Variants in FGGY observed in about 807,000 individuals in gnomAD.
The protein encoded by FGGY is FGGY carbohydrate kinase domain containing.
A neutral mutation model predicts 71.3 loss-of-function variants in FGGY; 72 were observed. That is an observed-to-expected ratio of 1.01 (90% CI 0.84 to 1.23). The LOEUF (loss-of-function observed/expected upper bound fraction) is 1.23, where lower values mean the gene tolerates loss of function less well. Among genes scored for constraint, FGGY ranks in the 50% most tolerant of loss-of-function variants. The pLI, the probability that FGGY is intolerant of heterozygous loss-of-function variation, is 0.00. For synonymous variants in FGGY, 251 were observed against 250.3 expected, an observed-to-expected ratio of 1.00 and a Z score of -0.02; for missense variants, 668 against 682.3, an observed-to-expected ratio of 0.98 and a Z score of 0.23.
At chr1:59,426,046 T>A (rs1374353389) in intron 5 of FGGY, among the ~76,000 whole-genome samples, 1 of 152,172 alleles carries the variant, frequency 6.6e-6, no homozygotes, top group African/African-American at 2.4e-5. Context: ...GAGTACTGCT[T>A]TTGAAATCAA....
At chr1:59,566,581 C>T (rs916483210) in intron 8 of FGGY, among the ~76,000 whole-genome samples, 1 of 151,816 alleles carries the variant, frequency 6.6e-6, no homozygotes, top group Non-Finnish European at 1.5e-5. Context: ...ATTGAAAGTC[C>T]CTACGTAATT....
At chr1:59,323,620 G>A (rs144119837) in intron 2 of FGGY, among the ~76,000 whole-genome samples, 1 of 152,350 alleles carries the variant, frequency 6.6e-6, no homozygotes, top group East Asian at 1.9e-4. Flanking sequence ...TCTGCAGCCA[G>A]ACTGCCTAGA....
chr1:59,302,532 A>G (rs1254422654), intron 1 of FGGY, among the ~76,000 whole-genome samples: 1 of 152,178 alleles, frequency 6.6e-6, no homozygotes, highest in Non-Finnish European at 1.5e-5. Flanking sequence ...AGCAAGCTGG[A>G]GAACATTATC....
chr1:59,681,223 T>G (rs1434840319), intron 14 of FGGY, among the ~76,000 whole-genome samples: 1 of 152,186 alleles, frequency 6.6e-6, no homozygotes, highest in Admixed American at 6.5e-5. Flanking sequence ...GTACAATAGA[T>G]TAAGGAATAC....
chr1:59,550,499 G>A (rs1314829474), intron 7 of FGGY, among the ~76,000 whole-genome samples: 1 of 152,042 alleles, frequency 6.6e-6, no homozygotes, highest in Non-Finnish European at 1.5e-5. Flanking sequence ...CCTCTTGAGG[G>A]GAAATGAGGC....
chr1:59,296,796 A>G (rs835367), upstream of FGGY: 63,422 of 150,220 alleles, frequency 0.42, 14,526 homozygotes, highest in African/African-American at 0.57. Flanking sequence ...GATCGCGCGC[A>G]AGGCGGGGCT....
At chr1:59,394,509 C>G (rs563660484) in intron 5 of FGGY, among the ~76,000 whole-genome samples, 4 of 152,204 alleles carry the variant, frequency 2.6e-5, no homozygotes, top group Non-Finnish European at 5.9e-5. Context: ...ATTTATATTT[C>G]ATGGGCTTGT....
intron 6 of FGGY, among the ~76,000 whole-genome samples, chr1:59,471,647 C>G (rs2092945903): frequency 6.6e-6 from 1 of 152,194 alleles, no homozygotes; most frequent in Admixed American, 6.5e-5. Context: ...TGCCAGTTAG[C>G]CATCCATCCA....
At chr1:59,669,221 C>T (rs1056548961) in intron 13 of FGGY, among the ~76,000 whole-genome samples, 14 of 152,054 alleles carry the variant, frequency 9.2e-5, no homozygotes, top group Non-Finnish European at 2.1e-4. Flanking sequence ...GTCAAACAGC[C>T]AGTATGGGGC....
chr1:59,604,286 A>G (rs954984910), intron 8 of FGGY, among the ~76,000 whole-genome samples: 5 of 152,262 alleles, frequency 3.3e-5, no homozygotes, highest in South Asian at 2.1e-4. Flanking sequence ...TAAACAACAC[A>G]TAAGTACACA....
intron 5 of FGGY, among the ~76,000 whole-genome samples, chr1:59,428,343 C>G (rs1198473527): frequency 6.6e-6 from 1 of 152,190 alleles, no homozygotes; most frequent in Non-Finnish European, 1.5e-5. Context: ...AATGACTTGC[C>G]AAGGTCACTC....
At chr1:59,688,140 G>C (rs1418716902) in intron 14 of FGGY, among the ~76,000 whole-genome samples, 4 of 152,224 alleles carry the variant, frequency 2.6e-5, no homozygotes, top group Non-Finnish European at 5.9e-5. Context: ...CAAGATTCAA[G>C]TACAAGTCAT....
At chr1:59,438,938 CG>C (rs1458901318) in intron 5 of FGGY, among the ~76,000 whole-genome samples, 1 of 152,106 alleles carries the variant, frequency 6.6e-6, no homozygotes, top group African/African-American at 2.4e-5. Context: ...TAAATATACA[CG>C]GTTCTGCATC....
intron 7 of FGGY, among the ~76,000 whole-genome samples, chr1:59,546,525 TG>T (rs1558303254): frequency 0.02 from 2,029 of 100,662 alleles, 22 homozygotes; most frequent in South Asian, 0.031. Flanking sequence ...ATGATGATGA[TG>T]ATGATGATGA....
At chr1:59,368,712 T>C (rs1445512364) in intron 4 of FGGY, among the ~76,000 whole-genome samples, 1 of 152,180 alleles carries the variant, frequency 6.6e-6, no homozygotes, top group Non-Finnish European at 1.5e-5. Flanking sequence ...AGAACTAGAC[T>C]AAAAATCCAT....
At chr1:59,713,179 A>C (rs1322838512) in intron 14 of FGGY, among the ~76,000 whole-genome samples, 5 of 152,140 alleles carry the variant, frequency 3.3e-5, no homozygotes, top group Non-Finnish European at 4.4e-5. Flanking sequence ...CCATTCCCAC[A>C]AGTTCTTCAT....
At chr1:59,640,580 C>T (rs1261959789) in intron 11 of FGGY, among the ~76,000 whole-genome samples, 1 of 142,100 alleles carries the variant, frequency 7.0e-6, no homozygotes, top group Admixed American at 6.9e-5. Context: ...GATCCATGTA[C>T]AATTTCTTCT....
intron 4 of FGGY, among the ~76,000 whole-genome samples, chr1:59,355,074 GT>G (rs1026445990): frequency 6.6e-6 from 1 of 152,196 alleles, no homozygotes; most frequent in Non-Finnish European, 1.5e-5. Context: ...AGGAGTTTGA[GT>G]TTTATTCCAA....
intron 11 of FGGY, among the ~76,000 whole-genome samples, chr1:59,657,456 G>A (rs2097230447): frequency 6.6e-6 from 1 of 152,230 alleles, no homozygotes; most frequent in Non-Finnish European, 1.5e-5. Flanking sequence ...GTACAGGAGA[G>A]ACAGAGAAAC....
Sources: gnomAD v4.1 joint callset for allele counts (sites outside exome capture counted in the v4.1 genomes callset) on GRCh38, gnomAD v4.1.1 for gene constraint, MANE v1.5 for transcripts, NCBI Gene and HGNC (gene_info 2026-07-23, HGNC 2026-07-21) for gene names.